ABHD5: variants seen among roughly 807,000 people sequenced by gnomAD.
The protein encoded by ABHD5 is abhydrolase domain containing 5, lysophosphatidic acid acyltransferase.
A neutral mutation model predicts 44.9 loss-of-function variants in ABHD5; 30 were observed. That is an observed-to-expected ratio of 0.67 (90% CI 0.50 to 0.91). The LOEUF (loss-of-function observed/expected upper bound fraction) is 0.91. ABHD5 is among the 40% of genes least tolerant of loss of function. ABHD5 has a pLI of 0.00. For synonymous variants in ABHD5, 167 were observed against 147.0 expected (o/e 1.14, Z -0.99); for missense variants, 399 against 423.4 (o/e 0.94, Z 0.50).
At chr3:43,703,293 C>T (rs1209272622) in intron 3 of ABHD5, among the ~76,000 whole-genome samples, 7 of 151,968 alleles carry the variant, frequency 4.6e-5, no homozygotes, top group Admixed American at 3.9e-4. Context: ...AATTCTTCTG[C>T]CTCAGCCTTT....
intron 3 of ABHD5, 104 bp downstream of exon 3, chr3:43,702,691 A>G: frequency 6.4e-7 from 1 of 1,560,656 alleles, no homozygotes; most frequent in South Asian, 1.1e-5. Flanking sequence ...CAAGGCAGAC[A>G]TTCTCTTAAA....
At position 43,708,108 on chromosome 3, in the gene ABHD5, C is replaced by T. The variant is rs141055301; in HGVS notation, c.507-3601C>T. On this transcript the variant is annotated intron_variant, in intron 3 of 6. Transcript: ENST00000644371. ...GTACTCTGCTCACCATCTTCAAACTCAAGGCCAATTCTAATGACTAACATT... is the reference window on the plus strand; with the variant it reads ...GTACTCTGCTCACCATCTTCAAACTTAAGGCCAATTCTAATGACTAACATT... Among the ~76,000 whole-genome samples, 314 of 152,342 alleles carry T rather than the reference C, an allele frequency of 2.1e-3. 1 individual carries two copies. The highest frequency in any genetic ancestry group is 2.8e-3 in the Non-Finnish European group (193 of 68,040).
At chr3:43,710,632 T>C (rs1002945413) in intron 3 of ABHD5, among the ~76,000 whole-genome samples, 1 of 152,230 alleles carries the variant, frequency 6.6e-6, no homozygotes, top group Admixed American at 6.5e-5. Context: ...CTTATTCTTA[T>C]GCATGCTGAC....
Position 43,702,287 on chromosome 3 carries a change from C to T in ABHD5, c.206C>T (p.Ser69Phe), listed in dbSNP as rs781001493. ...NGNKIWTLKF[S>F]HNISNKTPLV... ...AATAAAATATGGACACTGAAGTTCTCTCATAATATTTCAAATAAGACTCCA... is the reference window on the plus strand; with the variant it reads ...AATAAAATATGGACACTGAAGTTCTTTCATAATATTTCAAATAAGACTCCA... Residue 69 changes from serine to phenylalanine, a missense_variant, in exon 3 of 7, where the codon TCT (serine) becomes TTT (phenylalanine). Transcript: ENST00000644371. 4.4e-6 allele frequency: 7 copies of T among 1,604,818 alleles called. No individual in the cohort carries two copies. In the South Asian group the frequency reaches 7.7e-5, roughly 18 times the overall value.
In ABHD5 at chr3:43,721,316, T is replaced by C. The variant is rs2084833264; in HGVS notation, c.*2784T>C. The C allele has an allele frequency of 6.6e-6, 1 of 152,142 alleles. No homozygotes were observed. Among genetic ancestry groups the C allele is most frequent in the Non-Finnish European group, 1.5e-5 (1 of 68,026 alleles). The allele number at this position is 152,142 out of a possible 1,614,324, so 9.4% of individuals were successfully genotyped here. Reference sequence around the variant, plus strand: ...CTGAATAGAACAAAGACCCAATTTTTAAAATGAAACCCTCTTTCTAACTAG... The same window carrying C: ...CTGAATAGAACAAAGACCCAATTTTCAAAATGAAACCCTCTTTCTAACTAG... On this transcript the variant is annotated 3_prime_UTR_variant, in exon 7 of 7. Coordinates refer to ENST00000644371, the MANE Select transcript of ABHD5 (RefSeq NM_016006.6).
At chr3:43,709,329 T>G (rs907524908) in intron 3 of ABHD5, among the ~76,000 whole-genome samples, 1 of 152,224 alleles carries the variant, frequency 6.6e-6, no homozygotes, top group South Asian at 2.1e-4. Context: ...TCTGCCTTAG[T>G]ATATATACTT....
chr3:43,690,902 C>G (rs886058487), upstream of ABHD5: 21 of 1,388,738 alleles, frequency 1.5e-5, no homozygotes, highest in Non-Finnish European at 2.0e-5. Flanking sequence ...TGGCGGCCTG[C>G]GCCGCCTTAA....
chr3:43,702,153 G>T (rs2084548785), intron 2 of ABHD5, 62 bp from the exon 3 acceptor site: 2 of 1,483,536 alleles, frequency 1.3e-6, no homozygotes, highest in Non-Finnish European at 1.8e-6. Flanking sequence ...GTTGCTCTGA[G>T]AATACTTCCC....
chr3:43,716,549 A>G (rs779944961), intron 5 of ABHD5, among the ~76,000 whole-genome samples: 7 of 152,130 alleles, frequency 4.6e-5, no homozygotes, highest in Non-Finnish European at 7.4e-5. Flanking sequence ...ATTTATAGGT[A>G]GCTGTAGCCT....
rs768018958 is a variant in ABHD5 at position 43,699,333 on chromosome 3, T to G, written c.105T>G (p.Leu35=). ...GGTGCCCTACGTCTATATCACACCTTAAAGAAGCTGAAGAGAAGATGTTAA... is the reference window on the plus strand; with the variant it reads ...GGTGCCCTACGTCTATATCACACCTGAAAGAAGCTGAAGAGAAGATGTTAA... ...PTWCPTSISH[L]KEAEEKMLKC... Residue 35 remains leucine (L), a synonymous_variant, in exon 2 of 7, where the codon CTT becomes CTG. Coordinates refer to ENST00000644371, the MANE Select transcript of ABHD5 (RefSeq NM_016006.6). 1 of 1,613,992 alleles carries G rather than the reference T, an allele frequency of 6.2e-7. No homozygotes were observed. The highest frequency in any genetic ancestry group is 8.5e-7 in the Non-Finnish European group (1 of 1,179,858).
chr3:43,700,157 T>C (rs1445244637), intron 2 of ABHD5, among the ~76,000 whole-genome samples: 1 of 151,830 alleles, frequency 6.6e-6, no homozygotes, highest in Non-Finnish European at 1.5e-5. Flanking sequence ...TCTCATTTCT[T>C]ATAAAATGAA....
intron 5 of ABHD5, among the ~76,000 whole-genome samples, chr3:43,716,169 G>T (rs1322961247): frequency 1.3e-5 from 2 of 152,158 alleles, no homozygotes; most frequent in Non-Finnish European, 2.9e-5. Context: ...GAATGATAAG[G>T]CCCTAGAGTT....
At chr3:43,713,104 G>A (rs1487169405) in intron 4 of ABHD5, among the ~76,000 whole-genome samples, 1 of 151,834 alleles carries the variant, frequency 6.6e-6, no homozygotes, top group African/African-American at 2.4e-5. Context: ...ATCACTTGAG[G>A]CCAGGCTTTG....
At chr3:43,718,021 C>T (rs1228612362) in intron 6 of ABHD5, among the ~76,000 whole-genome samples, 164 bp downstream of exon 6, 1 of 152,110 alleles carries the variant, frequency 6.6e-6, no homozygotes, top group African/African-American at 2.4e-5. Flanking sequence ...AGGGTTTGGC[C>T]TGCACACATC....
At chr3:43,718,179 T>G (rs1179175896) in intron 6 of ABHD5, among the ~76,000 whole-genome samples, 1 of 152,236 alleles carries the variant, frequency 6.6e-6, no homozygotes, top group Non-Finnish European at 1.5e-5. Context: ...TTTTTTCAGT[T>G]TCTCTGTTGG....
downstream of ABHD5, among the ~76,000 whole-genome samples, chr3:43,727,699 C>G (rs1412858797): frequency 6.6e-6 from 1 of 152,162 alleles, no homozygotes; most frequent in Non-Finnish European, 1.5e-5. Context: ...ACCTCCAGCT[C>G]CCGGGTTCAA....
chr3:43,718,189 G>A (rs1293739438), intron 6 of ABHD5, among the ~76,000 whole-genome samples: 1 of 152,112 alleles, frequency 6.6e-6, no homozygotes, highest in African/African-American at 2.4e-5. Flanking sequence ...TTCTCTGTTG[G>A]CACTTTTATT....
intron 1 of ABHD5, among the ~76,000 whole-genome samples, chr3:43,693,215 G>A (rs1312261773): frequency 6.6e-6 from 1 of 152,226 alleles, no homozygotes; most frequent in Non-Finnish European, 1.5e-5. Context: ...GCAGTTGTGT[G>A]CTGGAGTTGA....
At chr3:43,697,534 C>A (rs1390535832) in intron 1 of ABHD5, among the ~76,000 whole-genome samples, 2 of 152,142 alleles carry the variant, frequency 1.3e-5, no homozygotes, top group African/African-American at 4.8e-5. Flanking sequence ...CTCTAAAAAT[C>A]ATGAGTTCTT....
Sources: gnomAD v4.1 joint callset for allele counts (sites outside exome capture counted in the v4.1 genomes callset) on GRCh38, gnomAD v4.1.1 for gene constraint, MANE v1.5 for transcripts, NCBI Gene and HGNC (gene_info 2026-07-23, HGNC 2026-07-21) for gene names.